Variants in ZNF426 observed in about 807,000 individuals in gnomAD.
The protein encoded by ZNF426 is CTC-543D15.7.
A neutral mutation model predicts 24.0 loss-of-function variants in ZNF426; 23 were observed. The ratio of observed to expected loss-of-function variants is 0.96; its 90% CI spans 0.69 to 1.36. The LOEUF (loss-of-function observed/expected upper bound fraction) is 1.36, where lower values mean the gene tolerates loss of function less well. ZNF426 is among the 40% of genes most tolerant of loss of function. The pLI, the probability that ZNF426 is intolerant of heterozygous loss-of-function variation, is 0.00. For synonymous variants in ZNF426, 272 were observed against 224.6 expected (o/e 1.21, Z -1.89); for missense variants, 646 against 658.4 (o/e 0.98, Z 0.21).
chr19:9,528,596 C>G lies in ZNF426; in HGVS notation c.1449G>C (p.Lys483Asn), dbSNP rs2073827643. The change falls in exon 8 of 8, where the codon AAG becomes AAC. Residue 483 changes from lysine to asparagine, a missense_variant. By Grantham distance (94) the Lys-to-Asn change is moderately conservative. Coordinates refer to ENST00000253115, the MANE Select transcript of ZNF426 (RefSeq NM_024106.3). The stretch of plus-strand genomic sequence containing the variant: ...GAAATGAACTGGAATGACTGAAGGC[C>G]TTTCCACATTGTTTACACTCATAGG... ...EKPYECKQCG[K>N]AFSHSSSFQI... The G allele has an allele frequency of 6.2e-7, 1 of 1,613,064 alleles. No individual in the cohort carries two copies. The highest frequency in any genetic ancestry group is 1.3e-5 in the African/African-American group (1 of 74,576).
intron 2 of ZNF426, among the ~76,000 whole-genome samples, chr19:9,538,020 AATT>A (rs1377750443): frequency 6.6e-6 from 1 of 152,148 alleles, no homozygotes; most frequent in Non-Finnish European, 1.5e-5. Context: ...GAAGATAATG[AATT>A]ATTATTCTTA....
intron 3 of ZNF426, 144 bp downstream of exon 3, chr19:9,536,064 C>G (rs1437844450): frequency 3.1e-6 from 3 of 960,812 alleles, no homozygotes; most frequent in African/African-American, 3.3e-5. Flanking sequence ...CAGGCAGAGC[C>G]TGACTCACAA....
intron 4 of ZNF426, among the ~76,000 whole-genome samples, chr19:9,534,617 C>CG (rs1479629589): frequency 2.7e-5 from 4 of 148,682 alleles, no homozygotes; most frequent in African/African-American, 9.9e-5. Context: ...TTTTTTGAGA[C>CG]GGAGTCTTGC....
intron 6 of ZNF426, among the ~76,000 whole-genome samples, chr19:9,531,867 C>T (rs1026909757): frequency 6.6e-6 from 1 of 152,128 alleles, no homozygotes; most frequent in Non-Finnish European, 1.5e-5. Context: ...CACCTGTAGT[C>T]CCAGCTACTT....
At chr19:9,535,163 G>T in intron 4 of ZNF426, 25 bp downstream of exon 4, 1 of 1,570,712 alleles carries the variant, frequency 6.4e-7, no homozygotes, top group South Asian at 1.1e-5. Flanking sequence ...ATGTCACTAT[G>T]TATAAGAATA....
intron 6 of ZNF426, among the ~76,000 whole-genome samples, chr19:9,532,388 C>T (rs1025671548): frequency 4.6e-5 from 7 of 150,864 alleles, no homozygotes; most frequent in Non-Finnish European, 7.4e-5. Flanking sequence ...CCTTGACCTC[C>T]TAGTCTCAAT....
rs1055552272 is a variant in ZNF426, at chr19:9,529,123, A to G, written c.922T>C (p.Tyr308His). The stretch of plus-strand genomic sequence containing the variant: ...GCTTTCCCACATTCCTTACATTCAT[A>G]TGGTTTCTCCCCAGTGTGGGTTCGC... Reference protein sequence around the residue: ...HMRTHTGEKPYECKECGKAFN... With the variant: ...HMRTHTGEKPHECKECGKAFN... The change falls in exon 8 of 8, where the codon TAT (tyrosine) becomes CAT (histidine). Residue 308 changes from tyrosine to histidine, a missense_variant. By Grantham distance (83) the Tyr-to-His change is moderately conservative (BLOSUM62 2). Transcript: ENST00000253115. 4 of 1,614,064 alleles carry G rather than the reference A, an allele frequency of 2.5e-6. No individual in the cohort carries two copies. The African/African-American group carries it at 5.3e-5, about 22-fold the overall frequency.
chr19:9,535,275 A>G lies in ZNF426; in HGVS notation c.30T>C (p.His10=). The G allele has an allele frequency of 6.2e-7, 1 of 1,612,310 alleles. No individual in the cohort carries two copies. Among genetic ancestry groups the G allele is most frequent in the Non-Finnish European group, 8.5e-7 (1 of 1,178,778 alleles). MAAADLSHG[H]YLSGDPVCLH... ...GGCAAACTGGGTCCCCAGAAAGATA[A>G]TGTCCTGTAAGAAAATGAAGGCAAG... The change falls in exon 4 of 8, where the codon CAT becomes CAC. Residue 10 remains histidine (H), a synonymous_variant. Transcript: ENST00000253115.
chr19:9,537,910 T>C (rs1167645408), intron 2 of ZNF426, among the ~76,000 whole-genome samples: 5 of 152,122 alleles, frequency 3.3e-5, no homozygotes, highest in Admixed American at 3.3e-4. Context: ...CATTGTAAAT[T>C]TGATTATTGT....
At chr19:9,534,898 G>A (rs537934297) in intron 4 of ZNF426, among the ~76,000 whole-genome samples, 15 of 152,152 alleles carry the variant, frequency 9.9e-5, no homozygotes, top group African/African-American at 3.4e-4. Context: ...CCCGGCCTGG[G>A]ATGATTTCCA....
At position 9,527,666 on chromosome 19, in the gene ZNF426, T is replaced by A. The variant is rs903205666; in HGVS notation, c.*714A>T. ...TGTGAATATTAAGGCTTTTGGACAA[T>A]CTATAAACGTTTTTGCTTATTGCTT... On this transcript the variant is annotated 3_prime_UTR_variant, in exon 8 of 8. Transcript: ENST00000253115. 6.6e-6 allele frequency: 1 copy of A among 152,286 alleles called. No individual in the cohort carries two copies. The highest frequency in any genetic ancestry group is 2.1e-4 in the South Asian group (1 of 4,822). The allele number at this position is 152,286 out of a possible 1,614,324, so 9.4% of individuals were successfully genotyped here. A position where few individuals can be genotyped will look rare whatever the true frequency, so the allele number is the denominator to read the frequency against.
chr19:9,529,269 G>A lies in ZNF426; in HGVS notation c.776C>T (p.Pro259Leu). 2.5e-6 allele frequency: 4 copies of A among 1,613,758 alleles called. No individual in the cohort carries two copies. Among genetic ancestry groups the A allele is most frequent in the Non-Finnish European group, 3.4e-6 (4 of 1,179,900 alleles). The change falls in exon 8 of 8, where the codon CCA becomes CTA. Residue 259 changes from proline to leucine, a missense_variant. Coordinates refer to ENST00000253115, the MANE Select transcript of ZNF426 (RefSeq NM_024106.3). ...AAGGCTTGTAGAGTCAATAAAACCT[G>A]GCCCATAATTCCTCCATTCGTAGAG... Reference protein sequence around the residue: ...EKLYEWRNYGPGFIDSTSLSV... With the variant: ...EKLYEWRNYGLGFIDSTSLSV...
chr19:9,536,123 A>C (rs146575556), intron 3 of ZNF426, 85 bp downstream of exon 3: 4 of 1,578,604 alleles, frequency 2.5e-6, no homozygotes, highest in Non-Finnish European at 3.5e-6. Context: ...AATCAGCAAC[A>C]TGACCAGCTG....
chr19:9,535,319 T>C (rs747084275), intron 3 of ZNF426, 40 bp from the exon 4 acceptor site: 8 of 1,472,868 alleles, frequency 5.4e-6, no homozygotes, highest in South Asian at 1.1e-5. Context: ...GAGCTGACCA[T>C]AATCCCCACA....
chr19:9,536,281 T>A lies in ZNF426; in HGVS notation c.-49A>T. The A allele has an allele frequency of 6.2e-7, 1 of 1,614,164 alleles. No homozygotes were observed. The highest frequency in any genetic ancestry group is 8.5e-7 in the Non-Finnish European group (1 of 1,180,008). On this transcript the variant is annotated 5_prime_UTR_variant, in exon 3 of 8. It removes an upstream start codon present in the reference 5' UTR. Coordinates refer to ENST00000253115, the MANE Select transcript of ZNF426 (RefSeq NM_024106.3). ...AACCCTCCTTTCATTGATGTCACCA[T>A]CACTTCAGGACACCTCATTAATCTA... is the stretch of plus-strand genomic sequence containing the variant.
At chr19:9,534,187 C>T (rs555403447) in intron 4 of ZNF426, among the ~76,000 whole-genome samples, 4 of 152,234 alleles carry the variant, frequency 2.6e-5, no homozygotes, top group East Asian at 3.9e-4. Context: ...ATGAATTTAT[C>T]TCAGCACAAC....
At position 9,533,829 on chromosome 19, in the gene ZNF426, G is replaced by A. The variant is rs755401155; in HGVS notation, c.244+11C>T. 6.2e-7 allele frequency: 1 copy of A among 1,613,940 alleles called. No individual in the cohort carries two copies. The highest frequency in any genetic ancestry group is 8.5e-7 in the Non-Finnish European group (1 of 1,179,884). The stretch of plus-strand genomic sequence containing the variant: ...TCCATAGAAGGCTGCAAGGGATGAG[G>A]CCAGTCTTACCTACTGTGGCCAGGT... On this transcript the variant is annotated intron_variant, in intron 5 of 7. Transcript: ENST00000253115.
At chr19:9,534,073 C>G in intron 4 of ZNF426, 107 bp from the exon 5 acceptor site, 1 of 1,471,410 alleles carries the variant, frequency 6.8e-7, no homozygotes, top group Non-Finnish European at 9.1e-7. Context: ...CCAAGGGCTG[C>G]AGTGACCAGC....
At chr19:9,537,026 A>G (rs2073976661) in intron 2 of ZNF426, among the ~76,000 whole-genome samples, 1 of 152,016 alleles carries the variant, frequency 6.6e-6, no homozygotes, top group African/African-American at 2.4e-5. Context: ...GCTACTCAGG[A>G]GGCTGAGGCA....
Sources: gnomAD v4.1 joint callset for allele counts (sites outside exome capture counted in the v4.1 genomes callset) on GRCh38, gnomAD v4.1.1 for gene constraint, MANE v1.5 for transcripts, NCBI Gene and HGNC (gene_info 2026-07-23, HGNC 2026-07-21) for gene names.